The following CSMD2 variants were observed in gnomAD, a reference collection of about 807,000 sequenced individuals.
CSMD2 encodes CUB and Sushi multiple domains 2.
In CSMD2, 130 loss-of-function variants were observed where a neutral mutation model predicts 398.5. That is an observed-to-expected ratio of 0.33 (90% CI 0.28 to 0.38). The LOEUF (loss-of-function observed/expected upper bound fraction) is 0.38. Ranked by LOEUF, CSMD2 falls within the 10% of genes least tolerant of loss-of-function variation. The probability of loss-of-function intolerance (pLI) is 1.00; values close to 1 mark genes in which losing one functional copy is unlikely to be tolerated. For synonymous variants in CSMD2, 1,828 were observed against 1,908.5 expected, an observed-to-expected ratio of 0.96 and a Z score of 1.10; for missense variants, 3,829 against 4,764.9, an observed-to-expected ratio of 0.80 and a Z score of 5.78.
chr1:33,671,398 C>A (rs927550182), intron 25 of CSMD2, among the ~76,000 whole-genome samples: 2 of 151,986 alleles, frequency 1.3e-5, no homozygotes, highest in African/African-American at 4.8e-5. Context: ...CTCACTGGGC[C>A]CCTGGTTCTC....
chr1:33,580,858 T>C lies in CSMD2; in HGVS notation c.7282A>G (p.Asn2428Asp). The C allele has an allele frequency of 6.2e-7, 1 of 1,614,030 alleles. No individual in the cohort carries two copies. Among genetic ancestry groups the C allele is most frequent in the Non-Finnish European group, 8.5e-7 (1 of 1,179,992 alleles). ...QSPLLKALSGNYSAPLIVTSS... is the reference protein window; with the variant it reads ...QSPLLKALSGDYSAPLIVTSS... Reference sequence around the variant, plus strand: ...GTGACAATCAGGGGAGCTGAGTAATTCCCACTGAGGGCTTTCAGCAGAGGA... The same window carrying C: ...GTGACAATCAGGGGAGCTGAGTAATCCCCACTGAGGGCTTTCAGCAGAGGA... The change falls in exon 48 of 71, where the codon AAT (asparagine) becomes GAT (aspartate). Residue 2428 changes from asparagine to aspartate, a missense_variant. Physicochemically the swap from Asn to Asp is conservative, Grantham distance 23 (BLOSUM62 1). This residue lies in a region of CSMD2 where 723 missense variants were observed against 758.6 expected (regional missense o/e 0.95). Coordinates refer to ENST00000373381, the MANE Select transcript of CSMD2 (RefSeq NM_001281956.2).
At chr1:34,007,511 T>G in intron 3 of CSMD2, among the ~76,000 whole-genome samples, 1 of 152,198 alleles carries the variant, frequency 6.6e-6, no homozygotes. Flanking sequence ...GAAATGGGTA[T>G]GCATTACTGA....
intron 1 of CSMD2, among the ~76,000 whole-genome samples, chr1:34,151,223 G>C (rs1640288250): frequency 6.6e-6 from 1 of 152,140 alleles, no homozygotes; most frequent in Non-Finnish European, 1.5e-5. Flanking sequence ...CCTGGGGGAA[G>C]GAACTTGGTT....
intron 2 of CSMD2, among the ~76,000 whole-genome samples, chr1:34,034,293 C>T (rs967350423): frequency 1.3e-5 from 2 of 152,048 alleles, no homozygotes; most frequent in African/African-American, 4.8e-5. Flanking sequence ...TGATCAATCG[C>T]GACATACTAG....
At chr1:33,720,890 G>A (rs981991899) in intron 19 of CSMD2, among the ~76,000 whole-genome samples, 4 of 152,132 alleles carry the variant, frequency 2.6e-5, no homozygotes, top group Admixed American at 1.3e-4. Flanking sequence ...TAGTAGACAC[G>A]GGGTTTCTCC....
At chr1:33,841,737 A>G (rs1045504275) in intron 6 of CSMD2, among the ~76,000 whole-genome samples, 3 of 152,198 alleles carry the variant, frequency 2.0e-5, no homozygotes, top group Non-Finnish European at 4.4e-5. Context: ...GTAAATACCC[A>G]CTACATAAAA....
intron 2 of CSMD2, among the ~76,000 whole-genome samples, chr1:34,048,900 G>A (rs1652853017): frequency 6.6e-6 from 1 of 152,146 alleles, no homozygotes; most frequent in Non-Finnish European, 1.5e-5. Context: ...CCACTTGGAA[G>A]GGAGGGTCAG....
chr1:34,114,834 TAGAC>T (rs1308081663), intron 1 of CSMD2, among the ~76,000 whole-genome samples: 33 of 152,136 alleles, frequency 2.2e-4, no homozygotes, highest in African/African-American at 7.5e-4. Context: ...AGGACACAAA[TAGAC>T]AAACTAAATA....
At position 33,586,624 on chromosome 1, in the gene CSMD2, A is replaced by G; in HGVS notation, c.6938-7T>C. On this transcript the variant is annotated splice_polypyrimidine_tract_variant and splice_region_variant and intron_variant, in intron 45 of 70. Transcript: ENST00000373381. ...CTGTAGCGTACGATGTCACCTGTCA[A>G]AGAAAGACCAACATGTAGACCCTCT... The G allele has an allele frequency of 6.4e-7, 1 of 1,571,632 alleles. No individual in the cohort carries two copies. Among genetic ancestry groups the G allele is most frequent in the Non-Finnish European group, 8.8e-7 (1 of 1,141,620 alleles).
chr1:33,529,176 T>G (rs1192386210), intron 64 of CSMD2, among the ~76,000 whole-genome samples: 1 of 152,238 alleles, frequency 6.6e-6, no homozygotes, highest in East Asian at 1.9e-4. Context: ...AGTCTTGCTC[T>G]GTTATCCAGG....
intron 40 of CSMD2, among the ~76,000 whole-genome samples, chr1:33,611,491 C>T (rs963163538): frequency 6.6e-6 from 1 of 152,182 alleles, no homozygotes; most frequent in African/African-American, 2.4e-5. Flanking sequence ...TTTCAGAGCT[C>T]CACTGGAGTT....
intron 66 of CSMD2, 25 bp downstream of exon 66, chr1:33,524,857 T>A: frequency 6.2e-7 from 1 of 1,611,022 alleles, no homozygotes; most frequent in Non-Finnish European, 8.5e-7. Context: ...TCCTCCCGGC[T>A]TTCATAGAGG....
intron 2 of CSMD2, among the ~76,000 whole-genome samples, chr1:34,044,256 C>G (rs1248598981): frequency 6.6e-6 from 1 of 152,056 alleles, no homozygotes; most frequent in African/African-American, 2.4e-5. Context: ...ACCGGTTAAA[C>G]AGAATTGGGA....
At chr1:33,927,242 G>A (rs10914816) in intron 4 of CSMD2, among the ~76,000 whole-genome samples, 16,192 of 152,142 alleles carry the variant, frequency 0.11, 1,053 homozygotes, top group Non-Finnish European at 0.15. Context: ...CTTCCTGGGG[G>A]CTTTGGACTC....
intron 31 of CSMD2, among the ~76,000 whole-genome samples, chr1:33,634,675 A>G (rs546415418): frequency 6.0e-4 from 92 of 152,186 alleles, no homozygotes; most frequent in African/African-American, 2.0e-3. Flanking sequence ...GGAATCTGGA[A>G]GTTTCTCTGT....
At chr1:33,831,768 T>TCTCA (rs1031279168) in intron 6 of CSMD2, among the ~76,000 whole-genome samples, 9 of 151,776 alleles carry the variant, frequency 5.9e-5, no homozygotes, top group African/African-American at 2.2e-4. Flanking sequence ...AGGAAACCCA[T>TCTCA]CTCACGTGCA....
intron 1 of CSMD2, among the ~76,000 whole-genome samples, chr1:34,136,911 G>C (rs940281693): frequency 6.6e-6 from 1 of 151,874 alleles, no homozygotes; most frequent in Non-Finnish European, 1.5e-5. Flanking sequence ...AGCCAATCCT[G>C]CCATCCATGC....
chr1:33,943,624 G>A (rs1644747202), intron 3 of CSMD2, among the ~76,000 whole-genome samples: 1 of 152,096 alleles, frequency 6.6e-6, no homozygotes, highest in African/African-American at 2.4e-5. Context: ...GGAGTTACGT[G>A]GGGGTTTCCT....
intron 2 of CSMD2, among the ~76,000 whole-genome samples, chr1:34,066,748 C>T (rs971827345): frequency 6.6e-6 from 1 of 152,108 alleles, no homozygotes; most frequent in Non-Finnish European, 1.5e-5. Flanking sequence ...GCACAGTAGG[C>T]ATCTGAGTGT....
Sources: allele counts gnomAD v4.1 joint callset (sites outside exome capture counted in the v4.1 genomes callset), GRCh38; gene constraint gnomAD v4.1.1; regional missense constraint gnomAD v4.1.1; transcripts MANE v1.5; gene names NCBI Gene and HGNC (gene_info 2026-07-23, HGNC 2026-07-21).